Variants in DCC observed in about 807,000 individuals in gnomAD.
DCC encodes DCC netrin 1 receptor.
A neutral mutation model predicts 172.5 loss-of-function variants in DCC; 58 were observed. That is an observed-to-expected ratio of 0.34 (90% CI 0.27 to 0.42). The LOEUF is 0.42. Among genes scored for constraint, DCC ranks in the 10% least tolerant of loss-of-function variants. The probability of loss-of-function intolerance (pLI) is 1.00; values close to 1 mark genes in which losing one functional copy is unlikely to be tolerated. For synonymous variants in DCC, 709 were observed against 644.5 expected (o/e 1.10, Z -1.52); for missense variants, 1,740 against 1,791.0 (o/e 0.97, Z 0.51).
At chr18:52,940,019 C>A (rs1240862525) in intron 5 of DCC, among the ~76,000 whole-genome samples, 1 of 152,168 alleles carries the variant, frequency 6.6e-6, no homozygotes, top group African/African-American at 2.4e-5. Flanking sequence ...AATGAAAATT[C>A]ACTGGCCTCA....
chr18:52,608,518 CAG>C (rs1164492401), intron 1 of DCC, among the ~76,000 whole-genome samples: 1 of 152,042 alleles, frequency 6.6e-6, no homozygotes, highest in Non-Finnish European at 1.5e-5. Flanking sequence ...GACCTCTAGG[CAG>C]AGAGTATGGT....
intron 5 of DCC, among the ~76,000 whole-genome samples, chr18:52,947,060 C>T (rs1235407335): frequency 1.3e-5 from 2 of 152,118 alleles, no homozygotes; most frequent in African/African-American, 4.8e-5. Flanking sequence ...ATCTAAAACA[C>T]TCCTCTGAGT....
At chr18:52,599,568 G>A (rs2144813813) in intron 1 of DCC, among the ~76,000 whole-genome samples, 1 of 152,094 alleles carries the variant, frequency 6.6e-6, no homozygotes, top group East Asian at 1.9e-4. Context: ...AGGCTGGAGT[G>A]CAATGGCGCA....
At chr18:52,814,762 A>G (rs1182314161) in intron 2 of DCC, among the ~76,000 whole-genome samples, 1 of 152,228 alleles carries the variant, frequency 6.6e-6, no homozygotes, top group Non-Finnish European at 1.5e-5. Context: ...TGGGAAATGC[A>G]TAGATTTTTC....
At chr18:52,855,314 G>A (rs112251240) in intron 2 of DCC, among the ~76,000 whole-genome samples, 1 of 152,298 alleles carries the variant, frequency 6.6e-6, no homozygotes, top group African/African-American at 2.4e-5. Context: ...GTAAGACTTA[G>A]GGTAAAAGAG....
At chr18:53,291,289 G>A (rs1030882509) in intron 12 of DCC, among the ~76,000 whole-genome samples, 5 of 151,962 alleles carry the variant, frequency 3.3e-5, no homozygotes, top group East Asian at 1.9e-4. Context: ...GCCCAAATTC[G>A]TTTGTCACAA....
At chr18:53,413,620 GT>G (rs1325551212) in intron 20 of DCC, among the ~76,000 whole-genome samples, 4 of 152,158 alleles carry the variant, frequency 2.6e-5, no homozygotes, top group African/African-American at 9.7e-5. Flanking sequence ...ATTACATGTG[GT>G]TATTTATCCC....
chr18:53,200,423 T>C (rs550902679), intron 9 of DCC, among the ~76,000 whole-genome samples: 18 of 152,344 alleles, frequency 1.2e-4, no homozygotes, highest in African/African-American at 4.3e-4. Flanking sequence ...TAACTGTATA[T>C]AAAATCACTC....
chr18:52,596,970 A>T (rs1598942939), intron 1 of DCC, among the ~76,000 whole-genome samples: 1 of 151,258 alleles, frequency 6.6e-6, no homozygotes, highest in South Asian at 2.1e-4. Context: ...ACATTCAGCC[A>T]CTTTAAAAGA....
At position 53,514,018 on chromosome 18, in the gene DCC, C is replaced by G. The variant is rs556118289; in HGVS notation, c.4112-12599C>G. ...AAATCAACAGAATATACATTTTTTT[C>G]AGCACCACACCTATTCCAAAATTGA... On this transcript the variant is annotated intron_variant, in intron 27 of 28. Transcript: ENST00000442544. Among the ~76,000 whole-genome samples, 674 of 151,516 alleles carry G rather than the reference C, an allele frequency of 4.4e-3. 10 individuals are homozygous for G. The highest frequency in any genetic ancestry group is 0.014 in the Middle Eastern group (4 of 294).
intron 1 of DCC, among the ~76,000 whole-genome samples, chr18:52,443,670 G>T (rs1179489392): frequency 6.6e-6 from 1 of 152,196 alleles, no homozygotes; most frequent in Non-Finnish European, 1.5e-5. Context: ...GGGCAGAGAG[G>T]ATGGAGAAAG....
intron 7 of DCC, among the ~76,000 whole-genome samples, chr18:53,066,595 A>G (rs1008516744): frequency 6.6e-6 from 1 of 151,040 alleles, no homozygotes. Flanking sequence ...TACCTTGCAT[A>G]TATGTTAGGT....
chr18:52,993,000 AAC>A (rs1568232908), intron 5 of DCC, among the ~76,000 whole-genome samples: 1 of 151,898 alleles, frequency 6.6e-6, no homozygotes, highest in Non-Finnish European at 1.5e-5. Flanking sequence ...AAAAAAAAAA[AAC>A]ACATGTGAAA....
chr18:53,460,285 T>TTG (rs2045538383), intron 24 of DCC, among the ~76,000 whole-genome samples: 1 of 118,466 alleles, frequency 8.4e-6, no homozygotes, highest in African/African-American at 2.9e-5. Flanking sequence ...TTTTTTTTTT[T>TTG]TTTTTTTTTT....
chr18:53,231,008 A>G (rs1215680355), intron 12 of DCC, among the ~76,000 whole-genome samples: 1 of 150,926 alleles, frequency 6.6e-6, no homozygotes, highest in Non-Finnish European at 1.5e-5. Flanking sequence ...TTCTGAGACT[A>G]TTTTCCAGGA....
chr18:52,963,321 G>A (rs1441813422), intron 5 of DCC, among the ~76,000 whole-genome samples: 9 of 150,920 alleles, frequency 6.0e-5, no homozygotes, highest in Admixed American at 6.6e-5. Context: ...AAAAAGGCCC[G>A]GTGTGAAAAA....
In DCC at chr18:53,423,725, A is replaced by C. The variant is rs1444167681; in HGVS notation, c.3163+7569A>C. On this transcript the variant is annotated intron_variant, in intron 21 of 28. Transcript: ENST00000442544. ...TTTCTTCTTATACTTTGCTATTTAT[A>C]TTCTTAGCTTCTTGACCAGATTTTA... Among the ~76,000 whole-genome samples the C allele has an allele frequency of 3.9e-5, 6 of 152,218 alleles. No homozygotes were observed. In the East Asian group the frequency reaches 1.2e-3, roughly 29 times the overall value.
chr18:52,587,450 A>G (rs1374716771), intron 1 of DCC, among the ~76,000 whole-genome samples: 2 of 152,204 alleles, frequency 1.3e-5, no homozygotes, highest in South Asian at 4.1e-4. Flanking sequence ...GTGAGCACTC[A>G]TGTGGGATAC....
intron 5 of DCC, among the ~76,000 whole-genome samples, chr18:53,057,213 T>A (rs139930962): frequency 1.3e-3 from 197 of 151,776 alleles, no homozygotes; most frequent in Non-Finnish European, 2.4e-3. Flanking sequence ...TGTTTGGAGC[T>A]CAAATCACAG....
Sources: allele counts gnomAD v4.1 joint callset (sites outside exome capture counted in the v4.1 genomes callset), GRCh38; gene constraint gnomAD v4.1.1; transcripts MANE v1.5; gene names NCBI Gene and HGNC (gene_info 2026-07-23, HGNC 2026-07-21).